The following UST variants were observed in gnomAD, a reference collection of about 807,000 sequenced individuals.
UST encodes chondroitin sulfate 2-O-sulfotransferase.
A neutral mutation model predicts 45.6 loss-of-function variants in UST; 21 were observed. That is an observed-to-expected ratio of 0.46 (90% CI 0.33 to 0.66). UST has a LOEUF of 0.66. Ranked by LOEUF, UST falls within the 30% of genes least tolerant of loss-of-function variation. The pLI is 0.02. For synonymous variants in UST, 215 were observed against 200.6 expected (o/e 1.07, Z -0.61); for missense variants, 463 against 512.4 (o/e 0.90, Z 0.93).
At chr6:148,951,192 C>G (rs1404358188) in intron 3 of UST, among the ~76,000 whole-genome samples, 2 of 152,130 alleles carry the variant, frequency 1.3e-5, no homozygotes, top group Non-Finnish European at 2.9e-5. Flanking sequence ...ATTCACATGG[C>G]TCAACACACC....
chr6:149,002,658 C>T (rs1397900815), intron 5 of UST, among the ~76,000 whole-genome samples: 1 of 152,100 alleles, frequency 6.6e-6, no homozygotes, highest in Middle Eastern at 3.2e-3. Flanking sequence ...AGGCACAGAC[C>T]ACCACGCCCA....
chr6:149,062,486 G>T (rs1053414470), intron 7 of UST, among the ~76,000 whole-genome samples: 1 of 152,194 alleles, frequency 6.6e-6, no homozygotes, highest in African/African-American at 2.4e-5. Context: ...AACTAAAAAT[G>T]AAAAAGACAC....
At chr6:148,956,421 A>C (rs763381669) in intron 4 of UST, among the ~76,000 whole-genome samples, 2 of 152,152 alleles carry the variant, frequency 1.3e-5, no homozygotes, top group Non-Finnish European at 2.9e-5. Context: ...CCCTGATAAA[A>C]CCATCATATC....
chr6:148,826,042 G>C (rs1777562228), intron 1 of UST, among the ~76,000 whole-genome samples: 1 of 152,132 alleles, frequency 6.6e-6, no homozygotes, highest in Non-Finnish European at 1.5e-5. Context: ...GTCAAGATTG[G>C]GACCTGGAAA....
At chr6:148,939,375 G>A (rs1481367280) in intron 2 of UST, among the ~76,000 whole-genome samples, 1 of 152,118 alleles carries the variant, frequency 6.6e-6, no homozygotes, top group South Asian at 2.1e-4. Context: ...AAATGCAAAG[G>A]ACACAGAGTA....
chr6:148,886,164 A>G (rs923472407), intron 1 of UST, among the ~76,000 whole-genome samples: 10 of 152,198 alleles, frequency 6.6e-5, no homozygotes, highest in African/African-American at 2.4e-4. Context: ...ATGCCTGAAC[A>G]TGCTCTGGAA....
chr6:148,842,617 C>T (rs1777910895), intron 1 of UST, among the ~76,000 whole-genome samples: 1 of 152,198 alleles, frequency 6.6e-6, no homozygotes, highest in South Asian at 2.1e-4. Flanking sequence ...CTGCACATCC[C>T]TCCCTCTGTG....
chr6:148,874,782 A>G (rs933757404), intron 1 of UST, among the ~76,000 whole-genome samples: 3 of 152,236 alleles, frequency 2.0e-5, no homozygotes, highest in African/African-American at 4.8e-5. Context: ...ACAGCACACA[A>G]ATTCCTCATT....
chr6:148,869,958 A>G (rs1433434659), intron 1 of UST, among the ~76,000 whole-genome samples: 2 of 152,198 alleles, frequency 1.3e-5, no homozygotes, highest in African/African-American at 4.8e-5. Flanking sequence ...TTATGTGTGC[A>G]TTGACACCAA....
chr6:149,058,688 T>A (rs757601075), intron 7 of UST, among the ~76,000 whole-genome samples: 1 of 152,210 alleles, frequency 6.6e-6, no homozygotes, highest in Non-Finnish European at 1.5e-5. Flanking sequence ...CATTTCTCAA[T>A]ACTTATATCA....
chr6:148,812,648 C>T (rs557460371), intron 1 of UST, among the ~76,000 whole-genome samples: 2 of 152,308 alleles, frequency 1.3e-5, no homozygotes, highest in Admixed American at 1.3e-4. Flanking sequence ...ATGGGTCTCC[C>T]CATAGGGGTG....
intron 1 of UST, among the ~76,000 whole-genome samples, chr6:148,749,294 T>G (rs764777417): frequency 2.0e-5 from 3 of 152,190 alleles, no homozygotes; most frequent in Non-Finnish European, 4.4e-5. Flanking sequence ...TAACAGTATT[T>G]TCATCACCAG....
chr6:148,795,366 AG>A (rs984526211), intron 1 of UST, among the ~76,000 whole-genome samples: 1 of 152,166 alleles, frequency 6.6e-6, no homozygotes, highest in African/African-American at 2.4e-5. Flanking sequence ...GTTAACTTTA[AG>A]GGTGGCCTGG....
intron 7 of UST, among the ~76,000 whole-genome samples, chr6:149,048,842 T>G (rs574086643): frequency 6.6e-6 from 1 of 152,334 alleles, no homozygotes; most frequent in East Asian, 1.9e-4. Flanking sequence ...TTGTCTGTTA[T>G]GTGAACAAAC....
rs1461519961 is a variant in UST at position 148,953,537 on chromosome 6, C to G, written c.448-335C>G. On this transcript the variant is annotated intron_variant, in intron 3 of 7. Coordinates refer to ENST00000367463, the MANE Select transcript of UST (RefSeq NM_005715.3). ...GAGGCTCACGCTTGTAATCCCAGCA[C>G]TTTGGGAGGCCGAGGCGGGCGGATC... is the stretch of plus-strand genomic sequence containing the variant. 2.6e-5 allele frequency among the ~76,000 whole-genome samples: 4 copies of G among 152,142 alleles called. No individual in the cohort carries two copies. The East Asian group carries it at 7.7e-4, about 29-fold the overall frequency.
intron 1 of UST, among the ~76,000 whole-genome samples, chr6:148,862,904 G>C (rs1221817128): frequency 1.3e-5 from 2 of 148,554 alleles, no homozygotes; most frequent in African/African-American, 2.5e-5. Flanking sequence ...TGGGTAACCT[G>C]ACCTTTCTCT....
At chr6:148,752,779 C>T (rs1414643301) in intron 1 of UST, among the ~76,000 whole-genome samples, 1 of 152,196 alleles carries the variant, frequency 6.6e-6, no homozygotes, top group East Asian at 1.9e-4. Flanking sequence ...GGAGCAAAAA[C>T]AGTAGCTTGA....
intron 7 of UST, among the ~76,000 whole-genome samples, chr6:149,022,350 A>C (rs574563321): frequency 8.5e-5 from 13 of 152,144 alleles, no homozygotes; most frequent in Non-Finnish European, 1.8e-4. Context: ...CTATAATCCC[A>C]GCATTTTGGG....
At chr6:148,942,034 G>A (rs954934797) in intron 3 of UST, among the ~76,000 whole-genome samples, 4 of 152,062 alleles carry the variant, frequency 2.6e-5, no homozygotes, top group Non-Finnish European at 4.4e-5. Flanking sequence ...CTACCAAGAA[G>A]CTATGAAGGT....
Sources: allele counts gnomAD v4.1 joint callset (sites outside exome capture counted in the v4.1 genomes callset), GRCh38; gene constraint gnomAD v4.1.1; transcripts MANE v1.5; gene names NCBI Gene and HGNC (gene_info 2026-07-23, HGNC 2026-07-21).